The following TFDP2 variants were observed in gnomAD, a reference collection of about 807,000 sequenced individuals.
TFDP2 encodes the protein transcription factor Dp-2 (E2F dimerization partner 2).
Under a neutral mutation model 59.3 loss-of-function variants are expected in TFDP2, and 17 were observed. The observed-to-expected ratio is 0.29, with a 90% CI of 0.20 to 0.43. TFDP2 has a LOEUF of 0.43. TFDP2 is among the 20% of genes least tolerant of loss of function. TFDP2 has a pLI of 1.00. For synonymous variants in TFDP2, 180 were observed against 194.7 expected (o/e 0.92, Z 0.63); for missense variants, 391 against 528.8 (o/e 0.74, Z 2.56).
At chr3:141,976,104 C>CTCCTGACAGTGTGA (rs1940601813) in intron 7 of TFDP2, among the ~76,000 whole-genome samples, 1 of 152,154 alleles carries the variant, frequency 6.6e-6, no homozygotes, top group South Asian at 2.1e-4. Flanking sequence ...TGGTCTCCAA[C>CTCCTGACAGTGTGA]TCCTGACAGT....
chr3:142,012,422 C>A (rs1052611543), intron 3 of TFDP2, among the ~76,000 whole-genome samples: 1 of 152,202 alleles, frequency 6.6e-6, no homozygotes, highest in African/African-American at 2.4e-5. Context: ...AATGGGCATA[C>A]CCTCTGACTA....
At chr3:142,021,043 C>A (rs1168596814) in intron 3 of TFDP2, among the ~76,000 whole-genome samples, 1 of 152,038 alleles carries the variant, frequency 6.6e-6, no homozygotes, top group Non-Finnish European at 1.5e-5. Context: ...CCTGCACATG[C>A]ACATTACACC....
intron 2 of TFDP2, among the ~76,000 whole-genome samples, chr3:142,097,017 A>G (rs1441031386): frequency 1.3e-5 from 2 of 152,250 alleles, no homozygotes; most frequent in Non-Finnish European, 2.9e-5. Flanking sequence ...CCTGACACAG[A>G]CCATATGCAA....
At chr3:141,989,899 T>A (rs920375933) in intron 6 of TFDP2, among the ~76,000 whole-genome samples, 6 of 150,480 alleles carry the variant, frequency 4.0e-5, no homozygotes, top group African/African-American at 1.5e-4. Context: ...TAATAATTAT[T>A]ATTATTATTA....
chr3:142,045,612 CTTTT>C (rs10587862), intron 3 of TFDP2, among the ~76,000 whole-genome samples: 31 of 131,936 alleles, frequency 2.3e-4, no homozygotes, highest in Admixed American at 5.3e-4. Flanking sequence ...TATTATTTGA[CTTTT>C]TTTTTTTTTT....
At chr3:141,996,529 T>C (rs2063454) in intron 4 of TFDP2, among the ~76,000 whole-genome samples, 17,563 of 152,228 alleles carry the variant, frequency 0.12, 1,221 homozygotes, top group East Asian at 0.18. Flanking sequence ...AAAATGCTAA[T>C]TAATTTTTAT....
chr3:141,984,768 G>A (rs148655334), intron 6 of TFDP2, among the ~76,000 whole-genome samples: 118 of 152,166 alleles, frequency 7.8e-4, no homozygotes, highest in South Asian at 2.9e-3. Context: ...TGATTTCATG[G>A]CTTTATTAGC....
chr3:142,089,896 A>G (rs951695445), intron 3 of TFDP2, among the ~76,000 whole-genome samples: 1 of 152,134 alleles, frequency 6.6e-6, no homozygotes, highest in Admixed American at 6.5e-5. Flanking sequence ...AAATTACAAA[A>G]AAGAAAAGGT....
At chr3:142,109,987 C>T (rs2061597463) in intron 1 of TFDP2, among the ~76,000 whole-genome samples, 1 of 152,128 alleles carries the variant, frequency 6.6e-6, no homozygotes. Context: ...AAGTGATCCT[C>T]CCACCTCAGC....
In TFDP2 at chr3:141,946,514, G is replaced by A. The variant is rs1310629988; in HGVS notation, c.*5999C>T. The A allele has an allele frequency of 6.6e-6, 1 of 152,240 alleles. No homozygotes were observed. Among genetic ancestry groups the A allele is most frequent in the African/African-American group, 2.4e-5 (1 of 41,444 alleles). 9.4% of individuals were successfully genotyped at this position (152,240 alleles called of 1,614,324 possible). ...AGCACCCTGGTGAATGGGTGTCAGA[G>A]AAGTTTCTGGACCTGTCAGGGACTC... On this transcript the variant is annotated 3_prime_UTR_variant, in exon 13 of 13. Transcript: ENST00000489671.
intron 3 of TFDP2, among the ~76,000 whole-genome samples, chr3:142,011,315 T>C (rs1243484138): frequency 2.4e-5 from 3 of 125,584 alleles, no homozygotes; most frequent in Non-Finnish European, 5.1e-5. Flanking sequence ...TTGGAAATCA[T>C]CATTCTCAGT....
intron 3 of TFDP2, chr3:142,028,710 C>A: frequency 1.0e-6 from 1 of 985,338 alleles, no homozygotes; most frequent in Non-Finnish European, 1.2e-6. Context: ...TAAAATACTT[C>A]TCAGTAAAAC....
chr3:141,968,636 CAT>C (rs1407064850), intron 9 of TFDP2, among the ~76,000 whole-genome samples: 47 of 106,866 alleles, frequency 4.4e-4, no homozygotes, highest in African/African-American at 9.0e-4. Flanking sequence ...ATATATAACA[CAT>C]ATATATCTCA....
chr3:141,964,915 T>C (rs1159739542), intron 9 of TFDP2, among the ~76,000 whole-genome samples: 1 of 152,206 alleles, frequency 6.6e-6, no homozygotes, highest in Non-Finnish European at 1.5e-5. Flanking sequence ...ATTTTTTTAC[T>C]GGATCTTGCC....
intron 9 of TFDP2, among the ~76,000 whole-genome samples, chr3:141,966,266 A>C (rs1366101945): frequency 6.6e-6 from 1 of 151,632 alleles, no homozygotes; most frequent in Non-Finnish European, 1.5e-5. Flanking sequence ...TCCGCCTCCC[A>C]GGTTCAAATG....
intron 3 of TFDP2, among the ~76,000 whole-genome samples, chr3:142,059,381 A>G (rs2059842984): frequency 6.6e-6 from 1 of 152,228 alleles, no homozygotes; most frequent in African/African-American, 2.4e-5. Flanking sequence ...CAAACTGGCC[A>G]GTAAAATAAT....
chr3:142,117,076 C>A (rs1042426594), intron 1 of TFDP2, among the ~76,000 whole-genome samples: 3 of 152,090 alleles, frequency 2.0e-5, no homozygotes, highest in Admixed American at 2.0e-4. Flanking sequence ...TGTGCACCAC[C>A]ACCCCTGGCT....
intron 3 of TFDP2, among the ~76,000 whole-genome samples, chr3:142,050,266 AAAAAAAAAAATAAT>A (rs1947546642): frequency 6.7e-6 from 1 of 149,292 alleles, no homozygotes; most frequent in African/African-American, 2.5e-5. Context: ...TTCATCTCAA[AAAAAAAAAAATAAT>A]AAAAAAAAAA....
intron 1 of TFDP2, among the ~76,000 whole-genome samples, chr3:142,126,980 G>T (rs2062285170): frequency 6.7e-6 from 1 of 148,446 alleles, no homozygotes. Context: ...GTAAAATGAT[G>T]TTAAAAAGAT....
Sources: allele counts gnomAD v4.1 joint callset (sites outside exome capture counted in the v4.1 genomes callset), GRCh38; gene constraint gnomAD v4.1.1; transcripts MANE v1.5; gene names NCBI Gene and HGNC (gene_info 2026-07-23, HGNC 2026-07-21).